The following MOXD1 variants were observed in gnomAD, a reference collection of about 807,000 sequenced individuals.
MOXD1 encodes the protein monooxygenase DBH like 1, also known as DBH-like monooxygenase protein 1.
Under a neutral mutation model 66.6 loss-of-function variants are expected in MOXD1, and 62 were observed. The observed-to-expected ratio is 0.93, with a 90% CI of 0.76 to 1.15. The LOEUF (loss-of-function observed/expected upper bound fraction) is 1.15. Among genes scored for constraint, MOXD1 ranks in the 50% most tolerant of loss-of-function variants. The pLI, the probability that MOXD1 is intolerant of heterozygous loss-of-function variation, is 0.00. For missense variants in MOXD1, 847 were observed against 754.6 expected (o/e 1.12, Z -1.44); for synonymous variants, 303 against 281.9 (o/e 1.07, Z -0.75).
At chr6:132,368,361 C>T (rs974428421) in intron 4 of MOXD1, among the ~76,000 whole-genome samples, 3 of 152,026 alleles carry the variant, frequency 2.0e-5, no homozygotes, top group African/African-American at 4.8e-5. Context: ...GATGACCTCA[C>T]ATGAGAAGTA....
chr6:132,317,259 G>T lies in MOXD1; in HGVS notation c.1366-1482C>A, dbSNP rs1186457168. 2.0e-5 allele frequency among the ~76,000 whole-genome samples: 3 copies of T among 152,154 alleles called. No individual in the cohort carries two copies. In the East Asian group the frequency reaches 5.8e-4, roughly 29 times the overall value. On this transcript the variant is annotated intron_variant, in intron 9 of 11. Transcript: ENST00000367963. ...TGTTTATATTCTAAATTAACCTAGGGGCTAATATACAATGATTTTACTAAT... is the reference window on the plus strand; with the variant it reads ...TGTTTATATTCTAAATTAACCTAGGTGCTAATATACAATGATTTTACTAAT...
chr6:132,393,530 C>T (rs2114696416), intron 1 of MOXD1, among the ~76,000 whole-genome samples: 1 of 152,268 alleles, frequency 6.6e-6, no homozygotes, highest in Admixed American at 6.5e-5. Flanking sequence ...ACATTCCTGC[C>T]ACAGAATTCT....
At chr6:132,343,643 T>C (rs970643404) in intron 4 of MOXD1, among the ~76,000 whole-genome samples, 2 of 151,792 alleles carry the variant, frequency 1.3e-5, no homozygotes, top group Non-Finnish European at 2.9e-5. Flanking sequence ...TAAATAAATA[T>C]ATTGAATTCA....
intron 2 of MOXD1, among the ~76,000 whole-genome samples, chr6:132,374,173 A>T (rs6937164): frequency 6.6e-6 from 1 of 152,024 alleles, no homozygotes; most frequent in Non-Finnish European, 1.5e-5. Flanking sequence ...CATTTAATAT[A>T]CCAATAGGCA....
At chr6:132,381,975 G>A (rs1436379220) in intron 1 of MOXD1, among the ~76,000 whole-genome samples, 1 of 151,994 alleles carries the variant, frequency 6.6e-6, no homozygotes, top group Non-Finnish European at 1.5e-5. Flanking sequence ...GCTCTATTAT[G>A]CACTCATGGT....
intron 2 of MOXD1, 37 bp from the exon 3 acceptor site, chr6:132,373,034 G>C (rs769263076): frequency 6.4e-7 from 1 of 1,557,932 alleles, no homozygotes; most frequent in Non-Finnish European, 8.7e-7. Flanking sequence ...GGTCTCATGA[G>C]AGCACTTTCC....
At chr6:132,376,924 G>A (rs1264689581) in intron 1 of MOXD1, among the ~76,000 whole-genome samples, 1 of 152,172 alleles carries the variant, frequency 6.6e-6, no homozygotes, top group African/African-American at 2.4e-5. Context: ...TTTTACAGAT[G>A]AAGACATCAA....
rs375353451 is a variant in MOXD1, at chr6:132,322,829, A to G, written c.1155T>C (p.Ala385=). 1.4e-5 allele frequency: 23 copies of G among 1,613,982 alleles called. No individual in the cohort carries two copies. The South Asian group carries it at 2.1e-4, about 15-fold the overall frequency. ...CAGCCAGGTGAGCATGGAGAAGAAC[A>G]GCAAACACATGAATTCCACTTGGCT... ...AEKPSGIHVF[A]VLLHAHLAGR... The change falls in exon 8 of 12, where the codon GCT becomes GCC. Residue 385 remains alanine (A), a synonymous_variant. Coordinates refer to ENST00000367963, the MANE Select transcript of MOXD1 (RefSeq NM_015529.4).
intron 1 of MOXD1, among the ~76,000 whole-genome samples, chr6:132,382,563 T>C (rs1776532876): frequency 6.6e-6 from 1 of 152,174 alleles, no homozygotes; most frequent in East Asian, 1.9e-4. Context: ...AATTACTTGT[T>C]ACACCTGAAA....
chr6:132,392,274 T>C lies in MOXD1; in HGVS notation c.264+8889A>G, dbSNP rs560136231. On this transcript the variant is annotated intron_variant, in intron 1 of 11. Coordinates refer to ENST00000367963, the MANE Select transcript of MOXD1 (RefSeq NM_015529.4). ...CTGAAGACACTTCGCATCACAGGCC[T>C]CAGTTTTTGAGACAAGCAAGCAAGG... The C allele has an allele frequency of 1.9e-5, 30 of 1,603,100 alleles. No homozygotes were observed. The African/African-American group carries it at 3.9e-4, about 21-fold the overall frequency.
At chr6:132,384,004 AG>A (rs1776562366) in intron 1 of MOXD1, among the ~76,000 whole-genome samples, 1 of 151,236 alleles carries the variant, frequency 6.6e-6, no homozygotes, top group Admixed American at 6.6e-5. Context: ...CGGGAGGTGG[AG>A]GTTGCAGTGA....
chr6:132,328,774 TATG>T (rs1300788318), intron 4 of MOXD1, among the ~76,000 whole-genome samples, 180 bp from the exon 5 acceptor site: 1 of 152,312 alleles, frequency 6.6e-6, no homozygotes, highest in East Asian at 1.9e-4. Flanking sequence ...ATGGTAAAGA[TATG>T]ATGATGACAA....
At chr6:132,339,727 TC>T (rs74607951) in intron 4 of MOXD1, among the ~76,000 whole-genome samples, 6,851 of 152,276 alleles carry the variant, frequency 0.045, 705 homozygotes, top group East Asian at 0.45. Context: ...CTAAAAGCTA[TC>T]CTCTCCTTTC....
Position 132,397,644 on chromosome 6 carries a change from A to C in MOXD1, c.264+3519T>G, listed in dbSNP as rs931901575. 6.2e-3 allele frequency among the ~76,000 whole-genome samples: 411 copies of C among 66,080 alleles called. 3 individuals are homozygous for C. The highest frequency in any genetic ancestry group is 0.022 in the African/African-American group (314 of 14,596). The allele number at this position is 66,080 out of a possible 152,430, so 43.4% of individuals were successfully genotyped here. A position where few individuals can be genotyped will look rare whatever the true frequency, so the allele number is the denominator to read the frequency against. Reference sequence around the variant, plus strand: ...AGAGAGAGAGAGAGAGACAGAAAGAAAGAAAGAAAGAAAGAAAGAAAGAAA... The same window carrying C: ...AGAGAGAGAGAGAGAGACAGAAAGACAGAAAGAAAGAAAGAAAGAAAGAAA... On this transcript the variant is annotated intron_variant, in intron 1 of 11. Coordinates refer to ENST00000367963, the MANE Select transcript of MOXD1 (RefSeq NM_015529.4).
At chr6:132,376,579 T>C (rs1776384543) in intron 1 of MOXD1, among the ~76,000 whole-genome samples, 1 of 56,360 alleles carries the variant, frequency 1.8e-5, no homozygotes, top group South Asian at 6.1e-4. Context: ...AGTGGCGGGA[T>C]CTCGGCTCAC....
chr6:132,399,918 G>A (rs1000582136), intron 1 of MOXD1, among the ~76,000 whole-genome samples: 3 of 152,178 alleles, frequency 2.0e-5, no homozygotes, highest in Non-Finnish European at 4.4e-5. Flanking sequence ...GCTGCAGGAG[G>A]AGAATATTTA....
At chr6:132,362,669 C>A (rs1432309415) in intron 4 of MOXD1, among the ~76,000 whole-genome samples, 1 of 152,122 alleles carries the variant, frequency 6.6e-6, no homozygotes, top group Non-Finnish European at 1.5e-5. Flanking sequence ...ATCAAACAGT[C>A]CATTACCATT....
intron 4 of MOXD1, 125 bp from the exon 5 acceptor site, chr6:132,328,719 C>G (rs1486328768): frequency 9.8e-6 from 9 of 921,428 alleles, no homozygotes; most frequent in Non-Finnish European, 1.4e-5. Flanking sequence ...TCAATTATGT[C>G]AAGGTTGTGT....
chr6:132,333,612 GAAAT>G (rs1292200600), intron 4 of MOXD1, among the ~76,000 whole-genome samples: 2 of 152,150 alleles, frequency 1.3e-5, no homozygotes, highest in Non-Finnish European at 2.9e-5. Context: ...GATGGCAGAA[GAAAT>G]AAATAAAAAG....
Sources: allele counts gnomAD v4.1 joint callset (sites outside exome capture counted in the v4.1 genomes callset), GRCh38; gene constraint gnomAD v4.1.1; transcripts MANE v1.5; gene names NCBI Gene and HGNC (gene_info 2026-07-23, HGNC 2026-07-21).